Variants in PDE4D observed in about 807,000 individuals in gnomAD.
PDE4D encodes the protein phosphodiesterase 4D, also known as 3',5'-cyclic-AMP phosphodiesterase 4D.
In PDE4D, 24 loss-of-function variants were observed where a neutral mutation model predicts 87.4. The ratio of observed to expected loss-of-function variants is 0.27; its 90% CI spans 0.20 to 0.39. The LOEUF (loss-of-function observed/expected upper bound fraction) is 0.39, where lower values mean the gene tolerates loss of function less well. PDE4D is among the 10% of genes least tolerant of loss of function. PDE4D has a pLI of 1.00. For missense variants in PDE4D, 714 were observed against 1,041.0 expected, an observed-to-expected ratio of 0.69 and a Z score of 4.32; for synonymous variants, 384 against 383.2, an observed-to-expected ratio of 1.00 and a Z score of -0.02.
chr5:59,222,796 T>C (rs1335219017), intron 1 of PDE4D, among the ~76,000 whole-genome samples: 1 of 152,250 alleles, frequency 6.6e-6, no homozygotes. Flanking sequence ...TGCTGTATTT[T>C]CTAGGCTTTC....
chr5:60,273,380 T>A (rs533267541), intron 1 of PDE4D, among the ~76,000 whole-genome samples: 1 of 152,054 alleles, frequency 6.6e-6, no homozygotes, highest in Non-Finnish European at 1.5e-5. Flanking sequence ...CAGTTCAAGG[T>A]GAAAAGAAGA....
intron 1 of PDE4D, among the ~76,000 whole-genome samples, chr5:59,655,609 TTC>T (rs1417436157): frequency 6.6e-6 from 1 of 152,160 alleles, no homozygotes; most frequent in Non-Finnish European, 1.5e-5. Context: ...GATGAGTTTG[TTC>T]TGTTTTGTTT....
intron 1 of PDE4D, among the ~76,000 whole-genome samples, chr5:59,692,491 C>A (rs1751131174): frequency 6.6e-6 from 1 of 152,122 alleles, no homozygotes; most frequent in African/African-American, 2.4e-5. Context: ...TAAGAGTAAA[C>A]CCCATCACCT....
At chr5:60,120,286 T>C (rs1035409378) in intron 2 of PDE4D, among the ~76,000 whole-genome samples, 5 of 152,098 alleles carry the variant, frequency 3.3e-5, no homozygotes, top group Non-Finnish European at 7.3e-5. Context: ...ACAGGAGAGG[T>C]AGTGGGTCTG....
chr5:59,420,689 G>GAAAAAAAAAAAAAA (rs55960957), intron 1 of PDE4D, among the ~76,000 whole-genome samples: 1 of 122,012 alleles, frequency 8.2e-6, no homozygotes, highest in Non-Finnish European at 1.7e-5. Flanking sequence ...TACTGCACAA[G>GAAAAAAAAAAAAAA]AAAAAAAAAA....
intron 5 of PDE4D, among the ~76,000 whole-genome samples, chr5:59,110,880 A>C (rs6880249): frequency 0.23 from 34,519 of 152,060 alleles, 4,947 homozygotes; most frequent in Middle Eastern, 0.35. Context: ...TCAAAAAAGA[A>C]AAGAAAAGAA....
At chr5:60,117,046 TA>T (rs34225782) in intron 2 of PDE4D, among the ~76,000 whole-genome samples, 107,422 of 150,644 alleles carry the variant, frequency 0.71, 38,995 homozygotes, top group African/African-American at 0.81. Flanking sequence ...TGCATATTTC[TA>T]AAAAAAAAAA....
At chr5:59,570,063 G>A (rs1242053288) in intron 1 of PDE4D, among the ~76,000 whole-genome samples, 3 of 152,194 alleles carry the variant, frequency 2.0e-5, no homozygotes, top group Admixed American at 1.3e-4. Flanking sequence ...TTATGTGGTT[G>A]TGAATATCAT....
chr5:60,431,491 C>A (rs1019013983), intron 1 of PDE4D, among the ~76,000 whole-genome samples: 1 of 151,064 alleles, frequency 6.6e-6, no homozygotes, highest in Non-Finnish European at 1.5e-5. Flanking sequence ...CGGGCAGAGA[C>A]GCTCCTCACT....
intron 3 of PDE4D, among the ~76,000 whole-genome samples, chr5:59,966,297 C>G (rs1430196702): frequency 6.6e-6 from 1 of 152,166 alleles, no homozygotes; most frequent in Non-Finnish European, 1.5e-5. Flanking sequence ...TATATTAGAG[C>G]TTTTCTTCGT....
At chr5:59,688,126 T>C (rs111897688) in intron 1 of PDE4D, among the ~76,000 whole-genome samples, 1,892 of 152,260 alleles carry the variant, frequency 0.012, 32 homozygotes, top group African/African-American at 0.044. Context: ...AAAGAGAGAC[T>C]GTAACACCCC....
chr5:59,628,811 G>C (rs531447824), intron 1 of PDE4D, among the ~76,000 whole-genome samples: 1 of 152,130 alleles, frequency 6.6e-6, no homozygotes, highest in African/African-American at 2.4e-5. Flanking sequence ...GTATTAGTCC[G>C]TTCTCATCCC....
chr5:60,371,850 T>C (rs945398416), intron 1 of PDE4D, among the ~76,000 whole-genome samples: 5 of 152,218 alleles, frequency 3.3e-5, no homozygotes, highest in Admixed American at 3.3e-4. Flanking sequence ...TTCTTCTTTA[T>C]TGCTACTGCG....
At chr5:59,933,842 C>G (rs1483495324) in intron 3 of PDE4D, among the ~76,000 whole-genome samples, 1 of 151,178 alleles carries the variant, frequency 6.6e-6, no homozygotes, top group Non-Finnish European at 1.5e-5. Flanking sequence ...TATGGGGCTG[C>G]CATTATGCAA....
intron 1 of PDE4D, among the ~76,000 whole-genome samples, chr5:59,659,564 C>T (rs1330600744): frequency 3.3e-5 from 5 of 152,316 alleles, no homozygotes; most frequent in East Asian, 3.9e-4. Context: ...TAGGAGTCTT[C>T]GTAGGTAAGA....
intron 3 of PDE4D, among the ~76,000 whole-genome samples, chr5:59,979,684 T>C (rs1761717209): frequency 6.6e-6 from 1 of 152,134 alleles, no homozygotes; most frequent in African/African-American, 2.4e-5. Flanking sequence ...TTTGTTGAAT[T>C]CCTCAGATTT....
chr5:60,110,112 TA>T (rs1387050940), intron 2 of PDE4D, among the ~76,000 whole-genome samples: 1 of 151,910 alleles, frequency 6.6e-6, no homozygotes, highest in African/African-American at 2.4e-5. Flanking sequence ...TTGAAGGAAA[TA>T]AAAACTATTT....
rs1315048192 is a variant in PDE4D at position 60,390,662 on chromosome 5, AC to A, written c.-90+97279del. Among the ~76,000 whole-genome samples the A allele has an allele frequency of 3.4e-5, 5 of 147,224 alleles. No homozygotes were observed. The East Asian group carries it at 1.0e-3, about 30-fold the overall frequency. On this transcript the variant is annotated intron_variant, in intron 1 of 16. Transcript: ENST00000502484. ...ATGATAATTTAAAAAAAAAAAAAAA[AC>A]AAGAACCACCAGCTGAGGAGAAAAT...
chr5:59,270,101 T>C (rs1436257029), intron 1 of PDE4D, among the ~76,000 whole-genome samples: 1 of 152,126 alleles, frequency 6.6e-6, no homozygotes, highest in African/African-American at 2.4e-5. Flanking sequence ...ATGTTTTAAA[T>C]ACATCAAATA....
Sources: gnomAD v4.1 joint callset for allele counts (sites outside exome capture counted in the v4.1 genomes callset) on GRCh38, gnomAD v4.1.1 for gene constraint, MANE v1.5 for transcripts, NCBI Gene and HGNC (gene_info 2026-07-23, HGNC 2026-07-21) for gene names.